The following ARHGAP28 variants were observed in gnomAD, a reference collection of about 807,000 sequenced individuals.
The protein encoded by ARHGAP28 is Rho GTPase activating protein 28.
In ARHGAP28, 56 loss-of-function variants were observed where a neutral mutation model predicts 90.7. The observed-to-expected ratio is 0.62, with a 90% CI of 0.50 to 0.77. The LOEUF is 0.77. Among genes scored for constraint, ARHGAP28 ranks in the 30% least tolerant of loss-of-function variants. The pLI is 0.00. For missense variants in ARHGAP28, 869 were observed against 900.9 expected (o/e 0.96, Z 0.45); for synonymous variants, 308 against 323.3 (o/e 0.95, Z 0.51).
intron 1 of ARHGAP28, among the ~76,000 whole-genome samples, chr18:6,784,399 C>A (rs1362161834): frequency 1.3e-5 from 2 of 152,142 alleles, no homozygotes; most frequent in African/African-American, 4.8e-5. Context: ...TGGGTTTACG[C>A]GTTCTGAATG....
At chr18:6,730,432 C>T (rs2055870871) in intron 1 of ARHGAP28, among the ~76,000 whole-genome samples, 1 of 152,060 alleles carries the variant, frequency 6.6e-6, no homozygotes, top group Non-Finnish European at 1.5e-5. Flanking sequence ...AAGTACACCT[C>T]AATAGACTTT....
intron 2 of ARHGAP28, among the ~76,000 whole-genome samples, chr18:6,826,117 GTT>G (rs35995654): frequency 1.2e-4 from 17 of 138,512 alleles, no homozygotes; most frequent in African/African-American, 4.6e-4. Context: ...CATTGCCAGT[GTT>G]TTTTTTTTTT....
intron 16 of ARHGAP28, 87 bp from the exon 17 acceptor site, chr18:6,908,873 T>C: frequency 3.9e-6 from 3 of 760,408 alleles, no homozygotes; most frequent in Non-Finnish European, 6.8e-6. Context: ...GCAGAATGAA[T>C]TGTTTGTTGC....
chr18:6,834,278 A>C (rs1453107992), intron 2 of ARHGAP28, among the ~76,000 whole-genome samples: 1 of 152,172 alleles, frequency 6.6e-6, no homozygotes, highest in East Asian at 1.9e-4. Context: ...AGGAAGAAGA[A>C]ACAGCAGTGT....
intron 1 of ARHGAP28, among the ~76,000 whole-genome samples, chr18:6,748,587 C>G (rs1409795891): frequency 6.6e-6 from 1 of 152,082 alleles, no homozygotes; most frequent in Non-Finnish European, 1.5e-5. Context: ...TGGGAGGACT[C>G]TGGGCATACC....
chr18:6,912,317 C>A lies in ARHGAP28; in HGVS notation c.*163C>A. The A allele has an allele frequency of 2.4e-6, 1 of 420,978 alleles. No individual in the cohort carries two copies. Among genetic ancestry groups the A allele is most frequent in the South Asian group, 7.0e-5 (1 of 14,200 alleles). The allele number at this position is 420,978 out of a possible 1,614,324, so 26.1% of individuals were successfully genotyped here. On this transcript the variant is annotated 3_prime_UTR_variant, in exon 18 of 18. Transcript: ENST00000383472. ...GTAAGCATGAACTATGGAAGAGGCG[C>A]CGGTTCACCAATTCAACTGAAGCTT...
rs78833353 is a variant in ARHGAP28, at chr18:6,765,440, A to G, written c.122+35497A>G. Among the ~76,000 whole-genome samples, 30 of 151,940 alleles carry G rather than the reference A, an allele frequency of 2.0e-4. 1 individual carries two copies. The East Asian group carries it at 5.6e-3, about 28-fold the overall frequency. Reference sequence around the variant, plus strand: ...ATGGAATTCTTCAAAATATTCCCTTATTTTCTGTTTGTGATCTGTAGGATT... The same window carrying G: ...ATGGAATTCTTCAAAATATTCCCTTGTTTTCTGTTTGTGATCTGTAGGATT... On this transcript the variant is annotated intron_variant, in intron 1 of 17. Coordinates refer to ENST00000383472, the MANE Select transcript of ARHGAP28 (RefSeq NM_001366230.1).
chr18:6,808,582 A>AT lies in ARHGAP28; in HGVS notation c.123-16174dup, dbSNP rs2056535139. Reference sequence around the variant, plus strand: ...GCAGCTAGTTCAGTTTCTTGTGGATATTTTTTCGGGGGTTACATTCTAGAG... The same window carrying AT: ...GCAGCTAGTTCAGTTTCTTGTGGATATTTTTTTCGGGGGTTACATTCTAGAG... On this transcript the variant is annotated intron_variant, in intron 1 of 17. Coordinates refer to ENST00000383472, the MANE Select transcript of ARHGAP28 (RefSeq NM_001366230.1). Among the ~76,000 whole-genome samples the AT allele has an allele frequency of 2.0e-5, 3 of 152,114 alleles. No individual in the cohort carries two copies. In the South Asian group the frequency reaches 6.2e-4, roughly 32 times the overall value.
intron 1 of ARHGAP28, among the ~76,000 whole-genome samples, chr18:6,772,610 T>G (rs758017065): frequency 1.6e-4 from 25 of 152,216 alleles, no homozygotes; most frequent in Non-Finnish European, 3.1e-4. Flanking sequence ...TATGATAATG[T>G]AAGATAATGA....
chr18:6,829,858 T>C (rs1188348334), intron 2 of ARHGAP28, among the ~76,000 whole-genome samples: 1 of 152,228 alleles, frequency 6.6e-6, no homozygotes, highest in East Asian at 1.9e-4. Context: ...ACCACAAAAC[T>C]AGTGGCTTAA....
intron 1 of ARHGAP28, among the ~76,000 whole-genome samples, chr18:6,778,709 G>T (rs1301685662): frequency 6.6e-6 from 1 of 152,208 alleles, no homozygotes; most frequent in Non-Finnish European, 1.5e-5. Context: ...AGTGCTACGT[G>T]TGACTAACGA....
chr18:6,794,657 C>A (rs1280137213), intron 1 of ARHGAP28, among the ~76,000 whole-genome samples: 2 of 152,106 alleles, frequency 1.3e-5, no homozygotes, highest in Non-Finnish European at 2.9e-5. Flanking sequence ...TCTTGAGACT[C>A]TGAATTCTAA....
At chr18:6,894,925 C>T (rs752149755) in intron 15 of ARHGAP28, 34 bp downstream of exon 15, 2 of 1,588,700 alleles carry the variant, frequency 1.3e-6, no homozygotes, top group Non-Finnish European at 1.7e-6. Context: ...CTTCCATTAA[C>T]TCCCTATATA....
At chr18:6,905,474 T>C (rs1053176664) in intron 16 of ARHGAP28, among the ~76,000 whole-genome samples, 1 of 152,172 alleles carries the variant, frequency 6.6e-6, no homozygotes, top group Non-Finnish European at 1.5e-5. Context: ...GATTGAATGC[T>C]TTCCCTCTAA....
chr18:6,775,042 G>A (rs77297294), intron 1 of ARHGAP28, among the ~76,000 whole-genome samples: 120 of 152,310 alleles, frequency 7.9e-4, no homozygotes, highest in African/African-American at 2.8e-3. Context: ...AAACACAAAT[G>A]TGTGCTCTTC....
Position 6,870,738 on chromosome 18 carries a change from C to G in ARHGAP28, c.954+6C>G. 1 of 1,588,742 alleles carries G rather than the reference C, an allele frequency of 6.3e-7. No individual in the cohort carries two copies. Among genetic ancestry groups the G allele is most frequent in the Non-Finnish European group, 8.5e-7 (1 of 1,172,810 alleles). Reference sequence around the variant, plus strand: ...AAGAAGACTATGTTTTAACTGTAAGCAAAACCTTTCATGATTATTCCAGGA... The same window carrying G: ...AAGAAGACTATGTTTTAACTGTAAGGAAAACCTTTCATGATTATTCCAGGA... On this transcript the variant is annotated splice_donor_region_variant and intron_variant, in intron 7 of 17. Transcript: ENST00000383472.
chr18:6,890,278 A>G (rs191112978), intron 13 of ARHGAP28, 152 bp from the exon 14 acceptor site: 5 of 776,252 alleles, frequency 6.4e-6, no homozygotes, highest in South Asian at 5.6e-5. Context: ...AGGGATCCAC[A>G]TAATTTTTTC....
intron 1 of ARHGAP28, among the ~76,000 whole-genome samples, chr18:6,805,093 A>C (rs2056508428): frequency 6.6e-6 from 1 of 152,132 alleles, no homozygotes; most frequent in South Asian, 2.1e-4. Context: ...CTGAATAGCC[A>C]GAACTACAGG....
In ARHGAP28 at chr18:6,868,308, G is replaced by T; in HGVS notation, c.811+74G>T. On this transcript the variant is annotated intron_variant, in intron 6 of 17. Coordinates refer to ENST00000383472, the MANE Select transcript of ARHGAP28 (RefSeq NM_001366230.1). ...GTTCTGGCACTCAATACAGTTAGCA[G>T]TGAATTTCTAAAAGCGAAGTATAAG... The T allele has an allele frequency of 2.2e-6, 3 of 1,356,858 alleles. No homozygotes were observed. In the East Asian group the frequency reaches 6.9e-5, roughly 31 times the overall value. 84.1% of individuals were successfully genotyped at this position (1,356,858 alleles called of 1,614,324 possible). A position where few individuals can be genotyped will look rare whatever the true frequency, so the allele number is the denominator to read the frequency against.
Sources: gnomAD v4.1 joint callset for allele counts (sites outside exome capture counted in the v4.1 genomes callset) on GRCh38, gnomAD v4.1.1 for gene constraint, MANE v1.5 for transcripts, NCBI Gene and HGNC (gene_info 2026-07-23, HGNC 2026-07-21) for gene names.